Variants in NELL2 observed in about 807,000 individuals in gnomAD.
NELL2 encodes neural EGFL like 2.
A neutral mutation model predicts 109.6 loss-of-function variants in NELL2; 41 were observed. The ratio of observed to expected loss-of-function variants is 0.37; its 90% CI spans 0.29 to 0.49. The LOEUF (loss-of-function observed/expected upper bound fraction) is 0.49, where lower values mean the gene tolerates loss of function less well. Ranked by LOEUF, NELL2 falls within the 20% of genes least tolerant of loss-of-function variation. The probability of loss-of-function intolerance (pLI) is 0.98; values close to 1 mark genes in which losing one functional copy is unlikely to be tolerated. For synonymous variants in NELL2, 355 were observed against 344.7 expected, an observed-to-expected ratio of 1.03 and a Z score of -0.33; for missense variants, 900 against 1,008.3, an observed-to-expected ratio of 0.89 and a Z score of 1.45.
At chr12:44,667,858 A>G (rs1555195205) in intron 12 of NELL2, among the ~76,000 whole-genome samples, 1 of 152,186 alleles carries the variant, frequency 6.6e-6, no homozygotes, top group Non-Finnish European at 1.5e-5. Context: ...ACAGACTCAT[A>G]TAATCCTAGC....
chr12:44,646,039 A>T (rs1235908674), intron 13 of NELL2, among the ~76,000 whole-genome samples: 2 of 152,002 alleles, frequency 1.3e-5, no homozygotes, highest in South Asian at 4.1e-4. Flanking sequence ...ACCTCCCTTC[A>T]TAGATTATAA....
chr12:44,517,379 CT>C (rs1941321063), intron 19 of NELL2, among the ~76,000 whole-genome samples: 3 of 64,526 alleles, frequency 4.6e-5, no homozygotes, highest in African/African-American at 1.9e-4. Flanking sequence ...CTTTCTCTCT[CT>C]CTCTCTCTCT....
chr12:44,632,194 C>T (rs1002791593), intron 13 of NELL2, among the ~76,000 whole-genome samples: 3 of 151,976 alleles, frequency 2.0e-5, no homozygotes, highest in African/African-American at 7.3e-5. Flanking sequence ...ATGGCGTCAA[C>T]GAAAAACTAA....
intron 3 of NELL2, among the ~76,000 whole-genome samples, chr12:44,798,196 T>C (rs1942700911): frequency 6.6e-6 from 1 of 151,468 alleles, no homozygotes; most frequent in African/African-American, 2.4e-5. Flanking sequence ...GATTCTAATA[T>C]GTGATTTCAT....
intron 1 of NELL2, among the ~76,000 whole-genome samples, chr12:44,898,149 G>A (rs1380684337): frequency 1.3e-5 from 2 of 152,190 alleles, no homozygotes; most frequent in Non-Finnish European, 2.9e-5. Context: ...CTGGGACAGA[G>A]CACCTGGGAG....
At chr12:44,644,956 G>A (rs1473830394) in intron 13 of NELL2, among the ~76,000 whole-genome samples, 2 of 151,868 alleles carry the variant, frequency 1.3e-5, no homozygotes, top group Non-Finnish European at 2.9e-5. Context: ...CCAGTGGATG[G>A]GGAAGAGACT....
At chr12:44,615,819 GGACA>G in intron 13 of NELL2, among the ~76,000 whole-genome samples, 1 of 152,138 alleles carries the variant, frequency 6.6e-6, no homozygotes, top group South Asian at 2.1e-4. Context: ...TTAAGGCAAA[GGACA>G]GACATCACTT....
chr12:44,774,680 G>T, intron 9 of NELL2, 67 bp downstream of exon 9: 2 of 1,273,240 alleles, frequency 1.6e-6, no homozygotes, highest in Non-Finnish European at 2.3e-6. Flanking sequence ...CCAATGATGG[G>T]TGAATACTTA....
At chr12:44,566,274 G>A (rs540727324) in intron 15 of NELL2, among the ~76,000 whole-genome samples, 1 of 152,174 alleles carries the variant, frequency 6.6e-6, no homozygotes, top group East Asian at 1.9e-4. Flanking sequence ...GAGAGTAGAT[G>A]CCTATTGTAG....
At chr12:44,840,275 C>T (rs1439102951) in intron 2 of NELL2, among the ~76,000 whole-genome samples, 1 of 152,132 alleles carries the variant, frequency 6.6e-6, no homozygotes, top group Non-Finnish European at 1.5e-5. Context: ...GCTGTCTCTA[C>T]AAGTTTAATG....
chr12:44,784,159 G>A (rs2136610050), intron 3 of NELL2, among the ~76,000 whole-genome samples: 1 of 152,182 alleles, frequency 6.6e-6, no homozygotes, highest in African/African-American at 2.4e-5. Flanking sequence ...GAGGAGAACT[G>A]TCTCAACCTA....
intron 15 of NELL2, among the ~76,000 whole-genome samples, chr12:44,563,650 T>G (rs1027707273): frequency 6.6e-6 from 1 of 152,172 alleles, no homozygotes; most frequent in African/African-American, 2.4e-5. Flanking sequence ...TGAACATAAC[T>G]CAATCTTTCT....
intron 15 of NELL2, among the ~76,000 whole-genome samples, chr12:44,550,103 C>A (rs1942970858): frequency 6.6e-6 from 1 of 152,062 alleles, no homozygotes; most frequent in Non-Finnish European, 1.5e-5. Context: ...ACATGGTCAA[C>A]TAATTTTCAA....
At chr12:44,789,575 C>G (rs571614077) in intron 3 of NELL2, among the ~76,000 whole-genome samples, 15 of 152,104 alleles carry the variant, frequency 9.9e-5, no homozygotes, top group African/African-American at 3.1e-4. Flanking sequence ...CTTTAACACC[C>G]CCCAAAAATC....
chr12:44,584,474 C>A (rs143203709), intron 15 of NELL2, among the ~76,000 whole-genome samples: 60 of 152,334 alleles, frequency 3.9e-4, no homozygotes, highest in African/African-American at 1.4e-3. Context: ...CCAGCTCTTT[C>A]TGTTTCATAA....
At chr12:44,780,330 T>C (rs10880685) in intron 3 of NELL2, among the ~76,000 whole-genome samples, 34,679 of 151,740 alleles carry the variant, frequency 0.23, 4,186 homozygotes, top group South Asian at 0.28. Context: ...ATCCTCAAGA[T>C]GAGCCTGCTT....
At chr12:44,791,072 TATATATATAC>T (rs1338370571) in intron 3 of NELL2, among the ~76,000 whole-genome samples, 1 of 10,600 alleles carries the variant, frequency 9.4e-5, no homozygotes, top group Non-Finnish European at 2.5e-4. Context: ...CAAGTATATA[TATATATATAC>T]ATATATATAT....
intron 12 of NELL2, among the ~76,000 whole-genome samples, chr12:44,667,427 G>A (rs1425605666): frequency 6.6e-6 from 1 of 152,124 alleles, no homozygotes; most frequent in Non-Finnish European, 1.5e-5. Flanking sequence ...TGGAAGTCAT[G>A]GGCAACACGT....
At chr12:44,883,035 A>T (rs1475090762) in intron 1 of NELL2, among the ~76,000 whole-genome samples, 2 of 146,634 alleles carry the variant, frequency 1.4e-5, no homozygotes, top group Non-Finnish European at 3.0e-5. Flanking sequence ...GATTTTTAGT[A>T]GAGCCAGGGT....
Sources: allele counts gnomAD v4.1 joint callset (sites outside exome capture counted in the v4.1 genomes callset), GRCh38; gene constraint gnomAD v4.1.1; transcripts MANE v1.5; gene names NCBI Gene and HGNC (gene_info 2026-07-23, HGNC 2026-07-21).